The following TMEM132E variants were observed in gnomAD, a reference collection of about 807,000 sequenced individuals.
TMEM132E encodes transmembrane protein 132E.
TMEM132E carries 49 observed loss-of-function variants against 78.5 expected under a neutral mutation model. That is an observed-to-expected ratio of 0.62 (90% CI 0.50 to 0.79). The LOEUF (loss-of-function observed/expected upper bound fraction) is 0.79, where lower values mean the gene tolerates loss of function less well. TMEM132E is among the 30% of genes least tolerant of loss of function. The pLI is 0.00. For synonymous variants in TMEM132E, 715 were observed against 670.6 expected (o/e 1.07, Z -1.02); for missense variants, 1,403 against 1,470.9 (o/e 0.95, Z 0.75).
At chr17:34,586,900 T>C (rs938214500) in intron 1 of TMEM132E, among the ~76,000 whole-genome samples, 2 of 152,222 alleles carry the variant, frequency 1.3e-5, no homozygotes, top group Non-Finnish European at 2.9e-5. Context: ...AAGTTCTGCT[T>C]TTTATCAAAC....
intron 1 of TMEM132E, among the ~76,000 whole-genome samples, chr17:34,608,643 T>G (rs1170187968): frequency 6.6e-6 from 1 of 152,252 alleles, no homozygotes; most frequent in Non-Finnish European, 1.5e-5. Context: ...GTTGGGGATA[T>G]GACTCTGTTA....
At chr17:34,622,680 G>C (rs1291865870) in intron 1 of TMEM132E, among the ~76,000 whole-genome samples, 1 of 152,170 alleles carries the variant, frequency 6.6e-6, no homozygotes, top group Non-Finnish European at 1.5e-5. Flanking sequence ...AGTCACTGCC[G>C]GGCTGCTTAT....
intron 1 of TMEM132E, among the ~76,000 whole-genome samples, chr17:34,619,391 G>T (rs1239004286): frequency 2.7e-5 from 4 of 149,728 alleles, no homozygotes; most frequent in Non-Finnish European, 5.9e-5. Flanking sequence ...TAATAACAAC[G>T]CCTGGAATGC....
In TMEM132E at chr17:34,635,741, C is replaced by A. The variant is rs11868012; in HGVS notation, c.1978-266C>A. The A allele has an allele frequency of 0.22, 78,180 of 357,434 alleles. 9,788 individuals are homozygous for A. Among genetic ancestry groups the A allele is most frequent in the East Asian group, 0.29 (6,963 of 24,018 alleles). 22.1% of individuals were successfully genotyped at this position (357,434 alleles called of 1,614,324 possible). A position where few individuals can be genotyped will look rare whatever the true frequency, so the allele number is the denominator to read the frequency against. ...ACATCAATTGCTACTAGTCACCATGCGGGGGTTGTTGTTTTCCTTAGAATT... is the reference window on the plus strand; with the variant it reads ...ACATCAATTGCTACTAGTCACCATGAGGGGGTTGTTGTTTTCCTTAGAATT... On this transcript the variant is annotated intron_variant, in intron 7 of 8. Coordinates refer to ENST00000631683, the MANE Select transcript of TMEM132E (RefSeq NM_001304438.2).
intron 1 of TMEM132E, among the ~76,000 whole-genome samples, chr17:34,615,375 T>G (rs937516806): frequency 6.6e-6 from 1 of 152,134 alleles, no homozygotes; most frequent in Non-Finnish European, 1.5e-5. Flanking sequence ...CTTCCTTCCT[T>G]ACTCTCAAAG....
Position 34,638,457 on chromosome 17 carries a change from C to A in TMEM132E, c.*225C>A, listed in dbSNP as rs970813632. On this transcript the variant is annotated 3_prime_UTR_variant, in exon 9 of 9. Transcript: ENST00000631683. ...CCCCTGCAGGTGGAGGGCTCTTCCT[C>A]CAGTGGCTCGTAAGGAGGAAAGCAA... 2.0e-6 allele frequency: 1 copy of A among 489,110 alleles called. No individual in the cohort carries two copies. The highest frequency in any genetic ancestry group is 3.8e-5 in the Admixed American group (1 of 26,576). The allele number at this position is 489,110 out of a possible 1,614,324, so 30.3% of individuals were successfully genotyped here. A position where few individuals can be genotyped will look rare whatever the true frequency, so the allele number is the denominator to read the frequency against.
intron 1 of TMEM132E, among the ~76,000 whole-genome samples, chr17:34,613,741 G>C (rs1906690320): frequency 6.6e-6 from 1 of 151,934 alleles, no homozygotes; most frequent in African/African-American, 2.4e-5. Context: ...GCCCTCCATG[G>C]GTAGGTAGCC....
intron 1 of TMEM132E, among the ~76,000 whole-genome samples, chr17:34,592,460 A>G (rs1905904827): frequency 6.6e-6 from 1 of 152,206 alleles, no homozygotes; most frequent in African/African-American, 2.4e-5. Context: ...CTAGGGTTAT[A>G]GGGAGTTTCT....
rs1907654877 is a variant in TMEM132E, at chr17:34,639,138, C to A, written c.*906C>A. 6.6e-6 allele frequency: 1 copy of A among 152,582 alleles called. No homozygotes were observed. The highest frequency in any genetic ancestry group is 2.1e-4 in the South Asian group (1 of 4,818). The allele number at this position is 152,582 out of a possible 1,614,324, so 9.5% of individuals were successfully genotyped here. A position where few individuals can be genotyped will look rare whatever the true frequency, so the allele number is the denominator to read the frequency against. ...GAACCCGGGAGGGGAGTAGAGGGCA[C>A]CAGGGAATGCTGTGAGGGACTTCAG... On this transcript the variant is annotated 3_prime_UTR_variant, in exon 9 of 9. Transcript: ENST00000631683.
chr17:34,613,019 G>A (rs1316960919), intron 1 of TMEM132E, among the ~76,000 whole-genome samples: 3 of 151,984 alleles, frequency 2.0e-5, no homozygotes, highest in African/African-American at 7.3e-5. Context: ...GCTGTTTGTT[G>A]CAGCTCTTAC....
intron 1 of TMEM132E, among the ~76,000 whole-genome samples, chr17:34,587,237 G>C (rs1905710334): frequency 6.6e-6 from 1 of 152,142 alleles, no homozygotes; most frequent in African/African-American, 2.4e-5. Flanking sequence ...CAGGCAGCTA[G>C]GATACCCCAC....
chr17:34,601,244 C>A (rs1438763842), intron 1 of TMEM132E, among the ~76,000 whole-genome samples: 1 of 152,214 alleles, frequency 6.6e-6, no homozygotes, highest in Non-Finnish European at 1.5e-5. Flanking sequence ...AGAGCCTGCC[C>A]TTCTGTGAGC....
At chr17:34,628,446 G>T in intron 2 of TMEM132E, 117 bp from the exon 3 acceptor site, 7 of 1,225,806 alleles carry the variant, frequency 5.7e-6, no homozygotes, top group Admixed American at 3.1e-5. Flanking sequence ...CAGGACTCGG[G>T]GTAACTTAGC....
chr17:34,588,549 C>T (rs2142050278), intron 1 of TMEM132E, among the ~76,000 whole-genome samples: 1 of 152,314 alleles, frequency 6.6e-6, no homozygotes. Context: ...GTGCCAAGCA[C>T]TGTTCTAGGC....
chr17:34,623,774 G>T (rs1158854874), intron 1 of TMEM132E, among the ~76,000 whole-genome samples: 1 of 152,216 alleles, frequency 6.6e-6, no homozygotes, highest in African/African-American at 2.4e-5. Flanking sequence ...CCTGCTTGCT[G>T]CTGCTTCCAA....
At chr17:34,586,260 A>T (rs1455885215) in intron 1 of TMEM132E, among the ~76,000 whole-genome samples, 1 of 151,158 alleles carries the variant, frequency 6.6e-6, no homozygotes, top group African/African-American at 2.5e-5. Context: ...ACAGAATTTT[A>T]ATAAGAGATT....
chr17:34,636,315 T>C, intron 8 of TMEM132E, 117 bp downstream of exon 8: 2 of 1,045,730 alleles, frequency 1.9e-6, no homozygotes, highest in South Asian at 5.4e-5. Context: ...AAATGGAGGA[T>C]CTCTGCCCTC....
intron 1 of TMEM132E, among the ~76,000 whole-genome samples, chr17:34,618,990 G>A (rs145282273): frequency 2.1e-3 from 315 of 152,238 alleles, no homozygotes; most frequent in African/African-American, 6.7e-3. Context: ...TTCCTCCACC[G>A]CAGGTCTCCT....
At chr17:34,601,717 T>C (rs891291670) in intron 1 of TMEM132E, among the ~76,000 whole-genome samples, 2 of 152,208 alleles carry the variant, frequency 1.3e-5, no homozygotes, top group African/African-American at 4.8e-5. Context: ...CCAGCCCCTC[T>C]GGGGCTTCAG....
Sources: gnomAD v4.1 joint callset for allele counts (sites outside exome capture counted in the v4.1 genomes callset) on GRCh38, gnomAD v4.1.1 for gene constraint, MANE v1.5 for transcripts, NCBI Gene and HGNC (gene_info 2026-07-23, HGNC 2026-07-21) for gene names.